The following SYNE2 variants were observed in gnomAD, a reference collection of about 807,000 sequenced individuals.
SYNE2 encodes the protein spectrin repeat containing nuclear envelope protein 2.
In SYNE2, 431 loss-of-function variants were observed where a neutral mutation model predicts 856.3. The observed-to-expected ratio is 0.50, with a 90% CI of 0.47 to 0.55. The LOEUF is 0.55. Ranked by LOEUF, SYNE2 falls within the 20% of genes least tolerant of loss-of-function variation. SYNE2 has a pLI of 0.00. For missense variants in SYNE2, 8,129 were observed against 8,023.2 expected (o/e 1.01, Z -0.50); for synonymous variants, 2,923 against 2,872.3 (o/e 1.02, Z -0.56).
intron 11 of SYNE2, among the ~76,000 whole-genome samples, chr14:63,974,283 G>A (rs966856350): frequency 8.5e-5 from 13 of 152,172 alleles, no homozygotes; most frequent in African/African-American, 2.9e-4. Context: ...TGTACAAGAA[G>A]CGTGGCACCA....
chr14:63,939,642 C>G (rs2095878325), intron 2 of SYNE2, among the ~76,000 whole-genome samples: 1 of 152,198 alleles, frequency 6.6e-6, no homozygotes, highest in Non-Finnish European at 1.5e-5. Context: ...ACCACCACAT[C>G]CGACCCCTAC....
chr14:63,876,249 C>CCA (rs1555358055), intron 1 of SYNE2, among the ~76,000 whole-genome samples: 1 of 117,702 alleles, frequency 8.5e-6, no homozygotes, highest in Non-Finnish European at 1.7e-5. Flanking sequence ...TCTATCTCTA[C>CCA]AAAAAAAAAA....
At chr14:64,220,414 C>G (rs747968253) in intron 110 of SYNE2, 23 bp from the exon 111 acceptor site, 2 of 1,613,572 alleles carry the variant, frequency 1.2e-6, no homozygotes, top group African/African-American at 2.7e-5. Flanking sequence ...AGCTCCTAAC[C>G]TCATCTTTTC....
In SYNE2 at chr14:63,941,778, T is replaced by G. The variant is rs2095920008; in HGVS notation, c.225T>G (p.Ser75=). ...TCCTGGATCTGCTAGAAGTACTTTC[T>G]GGGCAACAGTTGGTAAGATTTTTAA... The part of the protein sequence containing the change: ...HVLLDLLEVL[S]GQQLPRDKGS... The change falls in exon 4 of 116, where the codon TCT becomes TCG. Residue 75 remains serine (S), a synonymous_variant. Transcript: ENST00000555002. The G allele has an allele frequency of 6.2e-7, 1 of 1,613,982 alleles. No homozygotes were observed. Among genetic ancestry groups the G allele is most frequent in the Admixed American group, 1.7e-5 (1 of 60,012 alleles).
chr14:63,833,416 T>A (rs1889738692), intron 1 of SYNE2, among the ~76,000 whole-genome samples: 1 of 152,128 alleles, frequency 6.6e-6, no homozygotes, highest in Admixed American at 6.6e-5. Context: ...GACAGATTCT[T>A]AGCAGTGGAT....
At chr14:64,138,855 T>A (rs1238465203) in intron 79 of SYNE2, among the ~76,000 whole-genome samples, 1 of 151,898 alleles carries the variant, frequency 6.6e-6, no homozygotes, top group Non-Finnish European at 1.5e-5. Context: ...CTCGGGCAAA[T>A]ACGTTGGGTG....
chr14:63,827,428 C>G (rs1176659735), intron 1 of SYNE2, among the ~76,000 whole-genome samples: 2 of 151,344 alleles, frequency 1.3e-5, no homozygotes, highest in Non-Finnish European at 2.9e-5. Flanking sequence ...AGTTCGAGAC[C>G]AGCCTAACCA....
At chr14:63,923,432 A>G (rs1382685595) in intron 2 of SYNE2, among the ~76,000 whole-genome samples, 1 of 152,230 alleles carries the variant, frequency 6.6e-6, no homozygotes, top group Non-Finnish European at 1.5e-5. Flanking sequence ...CCAACAAACT[A>G]AGTACTTAAA....
chr14:63,912,940 C>T (rs573237903), intron 2 of SYNE2, among the ~76,000 whole-genome samples: 10 of 152,086 alleles, frequency 6.6e-5, no homozygotes, highest in African/African-American at 2.2e-4. Flanking sequence ...GGGTACCCTC[C>T]CTCTTTTTTT....
chr14:64,130,863 G>T (rs1171266329), intron 76 of SYNE2, among the ~76,000 whole-genome samples: 1 of 143,760 alleles, frequency 7.0e-6, no homozygotes, highest in African/African-American at 2.5e-5. Context: ...CCAGCCTGGC[G>T]ACACAGCAAG....
chr14:64,087,873 C>G lies in SYNE2; in HGVS notation c.11670+17C>G. On this transcript the variant is annotated intron_variant, in intron 58 of 115. Transcript: ENST00000555002. ...ATGGCTGATGTAAGTTTGCACCATT[C>G]ATTTAATCATTCAGGATTAAATTAG... The G allele has an allele frequency of 6.2e-7, 1 of 1,612,638 alleles. No homozygotes were observed. The highest frequency in any genetic ancestry group is 8.5e-7 in the Non-Finnish European group (1 of 1,178,900).
chr14:64,036,581 C>T (rs2097092363), intron 45 of SYNE2, among the ~76,000 whole-genome samples: 1 of 152,124 alleles, frequency 6.6e-6, no homozygotes, highest in Non-Finnish European at 1.5e-5. Context: ...GAGCCACCAC[C>T]CCTGGCCACC....
At chr14:64,126,273 T>C (rs1170626976) in intron 71 of SYNE2, 54 bp from the exon 72 acceptor site, 1 of 1,517,572 alleles carries the variant, frequency 6.6e-7, no homozygotes, top group African/African-American at 1.4e-5. Context: ...AAAATATAGG[T>C]CTAGGAAGGC....
At chr14:63,880,909 C>T (rs551215917) in intron 1 of SYNE2, among the ~76,000 whole-genome samples, 18 of 151,146 alleles carry the variant, frequency 1.2e-4, no homozygotes, top group Non-Finnish European at 2.2e-4. Flanking sequence ...TGCAGTGGTG[C>T]GATGTCGGCT....
chr14:63,883,635 C>T (rs975420258), intron 1 of SYNE2, among the ~76,000 whole-genome samples: 30 of 152,334 alleles, frequency 2.0e-4, no homozygotes, highest in Admixed American at 1.3e-3. Context: ...AGATTACAGG[C>T]GTGCGCCACT....
At chr14:63,955,199 G>T (rs1409344171) in intron 8 of SYNE2, among the ~76,000 whole-genome samples, 1 of 152,054 alleles carries the variant, frequency 6.6e-6, no homozygotes, top group African/African-American at 2.4e-5. Flanking sequence ...TTTTCTTCTT[G>T]ATTCTGTTAT....
At chr14:63,766,377 G>A (rs576383887) in intron 1 of SYNE2, among the ~76,000 whole-genome samples, 1 of 152,262 alleles carries the variant, frequency 6.6e-6, no homozygotes, top group Admixed American at 6.5e-5. Context: ...ACTGCTCCCA[G>A]CCAATAGTGG....
At chr14:64,209,853 C>A in intron 102 of SYNE2, 89 bp from the exon 103 acceptor site, 1 of 1,568,280 alleles carries the variant, frequency 6.4e-7, no homozygotes, top group South Asian at 1.1e-5. Context: ...GGATGAACCC[C>A]TGGCAGCAGG....
In SYNE2 at chr14:63,931,445, G is replaced by T. The variant is rs2095753588; in HGVS notation, c.80-9169G>T. ...GGCACCTGTAATCCCAGCTACTCAG[G>T]AGGCTGCGGCAGGAGAATCACTTGA... On this transcript the variant is annotated intron_variant, in intron 2 of 115. Transcript: ENST00000555002. 6.6e-5 allele frequency among the ~76,000 whole-genome samples: 10 copies of T among 151,784 alleles called. No individual in the cohort carries two copies. In the South Asian group the frequency reaches 2.1e-3, roughly 32 times the overall value.
Sources: allele counts gnomAD v4.1 joint callset (sites outside exome capture counted in the v4.1 genomes callset), GRCh38; gene constraint gnomAD v4.1.1; transcripts MANE v1.5; gene names NCBI Gene and HGNC (gene_info 2026-07-23, HGNC 2026-07-21).